The following HS3ST5 variants were observed in gnomAD, a reference collection of about 807,000 sequenced individuals.
The protein encoded by HS3ST5 is heparan sulfate glucosamine 3-O-sulfotransferase 5.
Under a neutral mutation model 25.4 loss-of-function variants are expected in HS3ST5, and 10 were observed. That is an observed-to-expected ratio of 0.39 (90% confidence interval 0.24 to 0.67). The LOEUF (loss-of-function observed/expected upper bound fraction) is 0.67, where lower values mean the gene tolerates loss of function less well. Among genes scored for constraint, HS3ST5 ranks in the 30% least tolerant of loss-of-function variants. The pLI is 0.44. For missense variants in HS3ST5, 324 were observed against 420.7 expected (o/e 0.77, Z 2.01); for synonymous variants, 170 against 162.4 (o/e 1.05, Z -0.36).
intron 2 of HS3ST5, among the ~76,000 whole-genome samples, chr6:114,176,707 C>T (rs760155121): frequency 2.6e-5 from 4 of 152,170 alleles, no homozygotes; most frequent in South Asian, 2.1e-4. Context: ...CTTCACCCCA[C>T]GCTATCCCCC....
At chr6:114,186,725 A>G (rs1036853345) in intron 2 of HS3ST5, among the ~76,000 whole-genome samples, 16 of 152,358 alleles carry the variant, frequency 1.1e-4, no homozygotes, top group East Asian at 1.9e-4. Flanking sequence ...ACAACCTTCT[A>G]TTGGAAAAAG....
At position 114,191,860 on chromosome 6, in the gene HS3ST5, T is replaced by C. The variant is rs540261408; in HGVS notation, c.-144-23398A>G. Among the ~76,000 whole-genome samples the C allele has an allele frequency of 9.0e-4, 137 of 152,278 alleles. 1 individual carries two copies. The highest frequency in any genetic ancestry group is 3.2e-3 in the African/African-American group (133 of 41,536). On this transcript the variant is annotated intron_variant, in intron 2 of 4. Transcript: ENST00000312719. ...CTGCAATCAAAATTTAACCCTATTTTCATTTAATTGATCATGAAGACATAT... is the reference window on the plus strand; with the variant it reads ...CTGCAATCAAAATTTAACCCTATTTCCATTTAATTGATCATGAAGACATAT...
chr6:114,256,941 G>C (rs1189389372), intron 1 of HS3ST5, among the ~76,000 whole-genome samples: 1 of 152,132 alleles, frequency 6.6e-6, no homozygotes, highest in Non-Finnish European at 1.5e-5. Flanking sequence ...ACATGGCTGG[G>C]GAGGCCTCGC....
chr6:114,233,620 A>C (rs1392447925), intron 1 of HS3ST5, among the ~76,000 whole-genome samples: 2 of 152,314 alleles, frequency 1.3e-5, no homozygotes, highest in South Asian at 2.1e-4. Flanking sequence ...TGCTATTTTC[A>C]TGGTCATATT....
chr6:114,084,614 G>T, intron 3 of HS3ST5: 1 of 787,376 alleles, frequency 1.3e-6, no homozygotes, highest in Non-Finnish European at 2.3e-6. Flanking sequence ...TTGTTACAGA[G>T]CAATGCTAGG....
intron 1 of HS3ST5, among the ~76,000 whole-genome samples, chr6:114,250,971 C>G (rs1772633433): frequency 6.6e-6 from 1 of 152,122 alleles, no homozygotes; most frequent in African/African-American, 2.4e-5. Flanking sequence ...GAAAGTCTAT[C>G]TACAAAATGA....
At chr6:114,143,989 T>C (rs1373894089) in intron 3 of HS3ST5, 1 of 152,262 alleles carries the variant, frequency 6.6e-6, no homozygotes, top group Non-Finnish European at 1.5e-5. Context: ...ACTTCTTGTA[T>C]ATTATTCTCA....
chr6:114,318,190 C>T (rs1168385934), intron 1 of HS3ST5, among the ~76,000 whole-genome samples: 1 of 152,150 alleles, frequency 6.6e-6, no homozygotes, highest in Non-Finnish European at 1.5e-5. Flanking sequence ...ACTTCATGTC[C>T]AGCCCATAAT....
intron 1 of HS3ST5, among the ~76,000 whole-genome samples, chr6:114,256,203 A>G (rs1170899711): frequency 6.6e-6 from 1 of 152,098 alleles, no homozygotes; most frequent in Non-Finnish European, 1.5e-5. Context: ...CTTGGCTAAC[A>G]CAGTGAAACC....
At chr6:114,110,845 T>G (rs184362224) in intron 3 of HS3ST5, among the ~76,000 whole-genome samples, 1 of 152,328 alleles carries the variant, frequency 6.6e-6, no homozygotes, top group Non-Finnish European at 1.5e-5. Context: ...GACAAAATAT[T>G]TAAAATATGT....
intron 2 of HS3ST5, among the ~76,000 whole-genome samples, chr6:114,178,873 TAA>T (rs34618608): frequency 7.5e-5 from 11 of 146,674 alleles, no homozygotes; most frequent in Non-Finnish European, 6.0e-5. Flanking sequence ...TTGAGGGGGT[TAA>T]AAAAAAAAAG....
At chr6:114,337,137 A>G (rs1776641524) in intron 1 of HS3ST5, among the ~76,000 whole-genome samples, 1 of 152,200 alleles carries the variant, frequency 6.6e-6, no homozygotes, top group Non-Finnish European at 1.5e-5. Context: ...ATTATTCCAC[A>G]AGGTTTCATA....
In HS3ST5 at chr6:114,342,358, A is replaced by G. The variant is rs1042531105; in HGVS notation, c.-502T>C. 6.2e-5 allele frequency: 10 copies of G among 160,644 alleles called. No individual in the cohort carries two copies. Among genetic ancestry groups the G allele is most frequent in the Non-Finnish European group, 1.3e-4 (10 of 74,514 alleles). The allele number at this position is 160,644 out of a possible 1,614,324, so 10.0% of individuals were successfully genotyped here. On this transcript the variant is annotated 5_prime_UTR_variant, in exon 1 of 5. Transcript: ENST00000312719. ...GGCGGAGAGCGAGTCGGCGTGAATGAGAGCAAACCAACAGGGCTGTGCGTG... is the reference window on the plus strand; with the variant it reads ...GGCGGAGAGCGAGTCGGCGTGAATGGGAGCAAACCAACAGGGCTGTGCGTG...
chr6:114,287,410 T>C (rs1040580392), intron 1 of HS3ST5, among the ~76,000 whole-genome samples: 2 of 151,978 alleles, frequency 1.3e-5, no homozygotes, highest in Admixed American at 1.3e-4. Flanking sequence ...AAAACTGGGC[T>C]CTTTGAACTA....
chr6:114,181,492 A>G (rs929367325), intron 2 of HS3ST5, among the ~76,000 whole-genome samples: 3 of 152,240 alleles, frequency 2.0e-5, no homozygotes, highest in Non-Finnish European at 2.9e-5. Context: ...TTGGGATATT[A>G]TAAGTATTTC....
chr6:114,234,619 T>A (rs1771768135), intron 1 of HS3ST5, among the ~76,000 whole-genome samples: 2 of 152,116 alleles, frequency 1.3e-5, no homozygotes, highest in Non-Finnish European at 2.9e-5. Flanking sequence ...AAATAAAAAA[T>A]AAGATTAACG....
chr6:114,166,959 AG>A (rs1426879125), intron 3 of HS3ST5, among the ~76,000 whole-genome samples: 1 of 152,218 alleles, frequency 6.6e-6, no homozygotes, highest in Non-Finnish European at 1.5e-5. Context: ...AGCATACTTT[AG>A]TTTAAAACTA....
In HS3ST5 at chr6:114,311,334, G is replaced by T. The variant is rs537085413; in HGVS notation, c.-339+30861C>A. Among the ~76,000 whole-genome samples, 24 of 152,128 alleles carry T rather than the reference G, an allele frequency of 1.6e-4. 1 individual carries two copies. In the East Asian group the frequency reaches 4.1e-3, roughly 26 times the overall value. On this transcript the variant is annotated intron_variant, in intron 1 of 4. Transcript: ENST00000312719. ...TTTGGTCCTTGTGATTGTATATTTG[G>T]AAGAATATATACCAATATGTTAAGA...
At chr6:114,249,755 GAC>G (rs1477652374) in intron 1 of HS3ST5, among the ~76,000 whole-genome samples, 4 of 152,162 alleles carry the variant, frequency 2.6e-5, no homozygotes, top group African/African-American at 4.8e-5. Context: ...CCTCTGTCAT[GAC>G]AGTGTTACAG....
Sources: gnomAD v4.1 joint callset for allele counts (sites outside exome capture counted in the v4.1 genomes callset) on GRCh38, gnomAD v4.1.1 for gene constraint, MANE v1.5 for transcripts, NCBI Gene and HGNC (gene_info 2026-07-23, HGNC 2026-07-21) for gene names.